SLC25A48: variants seen among roughly 807,000 people sequenced by gnomAD.
The protein encoded by SLC25A48 is CTC-321K16.1.
Under a neutral mutation model 32.2 loss-of-function variants are expected in SLC25A48, and 29 were observed. The observed-to-expected ratio is 0.90, with a 90% CI of 0.67 to 1.23. The LOEUF (loss-of-function observed/expected upper bound fraction) is 1.23. Ranked by LOEUF, SLC25A48 falls within the 50% of genes most tolerant of loss-of-function variation. The pLI is 0.00. For synonymous variants in SLC25A48, 164 were observed against 172.3 expected, an observed-to-expected ratio of 0.95 and a Z score of 0.38; for missense variants, 399 against 422.7, an observed-to-expected ratio of 0.94 and a Z score of 0.49.
chr5:135,716,503 A>C (rs983313343), intron 3 of SLC25A48, among the ~76,000 whole-genome samples: 1 of 152,150 alleles, frequency 6.6e-6, no homozygotes, highest in African/African-American at 2.4e-5. Context: ...GAGGGACCAG[A>C]CATTCTCTGC....
At chr5:135,674,911 GT>G (rs35040543) in intron 3 of SLC25A48, among the ~76,000 whole-genome samples, 111,799 of 148,504 alleles carry the variant, frequency 0.75, 42,374 homozygotes, top group Middle Eastern at 0.86. Flanking sequence ...TTTTAGTGGG[GT>G]TTTTTTTTTT....
intron 1 of SLC25A48, among the ~76,000 whole-genome samples, chr5:135,591,439 C>T (rs770012975): frequency 2.8e-4 from 42 of 152,170 alleles, no homozygotes; most frequent in Non-Finnish European, 5.0e-4. Context: ...GGCAGGAGCA[C>T]GGGCCTACAC....
chr5:135,822,392 A>T (rs944642824), intron 4 of SLC25A48, among the ~76,000 whole-genome samples: 22 of 152,324 alleles, frequency 1.4e-4, no homozygotes, highest in Admixed American at 3.3e-4. Context: ...CCAAAATTTC[A>T]AACTCAAGGT....
intron 3 of SLC25A48, chr5:135,653,882 C>T (rs1457516413): frequency 4.4e-6 from 2 of 456,302 alleles, no homozygotes; most frequent in Admixed American, 4.7e-5. Flanking sequence ...TAGCCAGACA[C>T]AGCCACAGGG....
intron 7 of SLC25A48, chr5:135,883,398 A>G (rs1472884563): frequency 2.0e-6 from 2 of 985,360 alleles, no homozygotes; most frequent in Non-Finnish European, 2.4e-6. Flanking sequence ...CTGTGAATTC[A>G]TGGAAGAGCT....
chr5:135,808,606 G>T (rs1757524837), intron 3 of SLC25A48, among the ~76,000 whole-genome samples: 3 of 152,156 alleles, frequency 2.0e-5, no homozygotes, highest in South Asian at 4.2e-4. Flanking sequence ...ATCCTGAGGG[G>T]TAAGTGTTGT....
At chr5:135,836,953 A>T (rs1327820150) in intron 1 of SLC25A48, among the ~76,000 whole-genome samples, 4 of 118,986 alleles carry the variant, frequency 3.4e-5, no homozygotes, top group South Asian at 3.2e-4. Flanking sequence ...CCTTTTTTTG[A>T]TATTATCCCC....
At chr5:135,699,659 T>C (rs969335228) in intron 3 of SLC25A48, among the ~76,000 whole-genome samples, 1 of 152,236 alleles carries the variant, frequency 6.6e-6, no homozygotes, top group Non-Finnish European at 1.5e-5. Flanking sequence ...TAACATGTTC[T>C]ATATTTCATA....
intron 3 of SLC25A48, among the ~76,000 whole-genome samples, chr5:135,716,149 C>T (rs1486055478): frequency 6.6e-6 from 1 of 152,178 alleles, no homozygotes; most frequent in East Asian, 1.9e-4. Context: ...TTTGGCCGAA[C>T]TATCCTCCTT....
At position 135,644,749 on chromosome 5, in the gene SLC25A48, T is replaced by C. The variant is rs546502717; in HGVS notation, c.-521+9793T>C. Reference sequence around the variant, plus strand: ...GGAACTTTTCCCCAGAGATTAGAAATGAAATGAAGACCATTTTTCTGCTCA... The same window carrying C: ...GGAACTTTTCCCCAGAGATTAGAAACGAAATGAAGACCATTTTTCTGCTCA... On this transcript the variant is annotated intron_variant, in intron 3 of 10. Coordinates refer to the SLC25A48 transcript ENST00000646290. Among the ~76,000 whole-genome samples, 23 of 152,266 alleles carry C rather than the reference T, an allele frequency of 1.5e-4. No individual in the cohort carries two copies. The South Asian group carries it at 4.6e-3, about 30-fold the overall frequency.
intron 3 of SLC25A48, among the ~76,000 whole-genome samples, chr5:135,764,266 C>G (rs1481629699): frequency 6.6e-6 from 1 of 151,794 alleles, no homozygotes; most frequent in Admixed American, 6.6e-5. Flanking sequence ...TAACATGGTT[C>G]GTATTAACCA....
At chr5:135,873,280 A>G (rs1474492307) in intron 5 of SLC25A48, among the ~76,000 whole-genome samples, 1 of 152,176 alleles carries the variant, frequency 6.6e-6, no homozygotes, top group African/African-American at 2.4e-5. Context: ...GGACTTTAAC[A>G]TCAATTTGTT....
rs146286523 is a variant in SLC25A48, at chr5:135,660,653, C to T, written c.-521+25697C>T. 9.8e-4 allele frequency among the ~76,000 whole-genome samples: 149 copies of T among 152,110 alleles called. 2 individuals carry two copies. The highest frequency in any genetic ancestry group is 3.4e-3 in the Middle Eastern group (1 of 292). ...TCAGGTTTTTTTTGTATAGGAAGTGCGGATGATAATAAAAGGACTCAGCTG... is the reference window on the plus strand; with the variant it reads ...TCAGGTTTTTTTTGTATAGGAAGTGTGGATGATAATAAAAGGACTCAGCTG... On this transcript the variant is annotated intron_variant, in intron 3 of 10. Transcript: ENST00000646290.
intron 3 of SLC25A48, among the ~76,000 whole-genome samples, chr5:135,771,757 C>T (rs1018763497): frequency 6.6e-6 from 1 of 151,198 alleles, no homozygotes; most frequent in African/African-American, 2.4e-5. Flanking sequence ...GATGATATTA[C>T]TTCCAATACG....
At chr5:135,836,119 C>T (rs1377848503) in intron 1 of SLC25A48, among the ~76,000 whole-genome samples, 1 of 152,140 alleles carries the variant, frequency 6.6e-6, no homozygotes, top group Non-Finnish European at 1.5e-5. Context: ...ATAAGCAGAC[C>T]ACCTTCGGTA....
At chr5:135,639,107 A>C (rs1284915804) in intron 3 of SLC25A48, among the ~76,000 whole-genome samples, 8 of 152,350 alleles carry the variant, frequency 5.3e-5, no homozygotes, top group African/African-American at 1.7e-4. Flanking sequence ...TATGCGGCCC[A>C]AAAATGATAT....
In SLC25A48 at chr5:135,629,363, T is replaced by C. The variant is rs190231601; in HGVS notation, c.-722T>C. 13 of 152,374 alleles carry C rather than the reference T, an allele frequency of 8.5e-5. No individual in the cohort carries two copies. The East Asian group carries it at 1.5e-3, about 18-fold the overall frequency. 9.4% of individuals were successfully genotyped at this position (152,374 alleles called of 1,614,324 possible). A position where few individuals can be genotyped will look rare whatever the true frequency, so the allele number is the denominator to read the frequency against. On this transcript the variant is annotated 5_prime_UTR_variant, in exon 2 of 11. Coordinates refer to the SLC25A48 transcript ENST00000646290. This position sits in a 1 kb window ranked among gnomAD's most constrained non-coding sequence, Gnocchi z 4.8. Reference sequence around the variant, plus strand: ...CAGGAACGCAGCACCTGTGGCTAAGTTGTGGTCTCACAGGTCAGTGTGGGC... The same window carrying C: ...CAGGAACGCAGCACCTGTGGCTAAGCTGTGGTCTCACAGGTCAGTGTGGGC...
At chr5:135,874,220 G>A in intron 6 of SLC25A48, 66 bp downstream of exon 6, 2 of 1,390,100 alleles carry the variant, frequency 1.4e-6, no homozygotes, top group East Asian at 2.8e-5. Context: ...CATTTAGGGG[G>A]ATGTGGGACT....
chr5:135,774,706 T>C (rs1756502871), intron 3 of SLC25A48, among the ~76,000 whole-genome samples: 2 of 150,596 alleles, frequency 1.3e-5, no homozygotes, highest in South Asian at 4.2e-4. Flanking sequence ...TATAAGGGGG[T>C]AAGAGGATAA....
Sources: allele counts gnomAD v4.1 joint callset (sites outside exome capture counted in the v4.1 genomes callset), GRCh38; gene constraint gnomAD v4.1.1; non-coding constraint Gnocchi (gnomAD v3.1); transcripts MANE v1.5; gene names NCBI Gene and HGNC (gene_info 2026-07-23, HGNC 2026-07-21).